Variants in FANCL observed in about 807,000 individuals in gnomAD.
FANCL encodes FA complementation group L.
In FANCL, 69 loss-of-function variants were observed where a neutral mutation model predicts 59.4. The observed-to-expected ratio is 1.16, with a 90% CI of 0.96 to 1.42. The LOEUF is 1.42. FANCL is among the 40% of genes most tolerant of loss of function. FANCL has a pLI of 0.00. For missense variants in FANCL, 519 were observed against 447.2 expected (o/e 1.16, Z -1.45); for synonymous variants, 180 against 147.1 (o/e 1.22, Z -1.62).
intron 3 of FANCL, among the ~76,000 whole-genome samples, chr2:58,228,848 G>C (rs1693294938): frequency 6.6e-6 from 1 of 152,148 alleles, no homozygotes; most frequent in Admixed American, 6.5e-5. Flanking sequence ...GAAAAACAGA[G>C]TAATAGATCT....
rs374236117 is a variant in FANCL, at chr2:58,163,083, T to TAA, written c.776-11_776-10dup. 49 of 1,281,174 alleles carry TAA rather than the reference T, an allele frequency of 3.8e-5. No individual in the cohort carries two copies. Among genetic ancestry groups the TAA allele is most frequent in the African/African-American group, 3.7e-4 (25 of 68,086 alleles). The allele number at this position is 1,281,174 out of a possible 1,614,324, so 79.4% of individuals were successfully genotyped here. A position where few individuals can be genotyped will look rare whatever the true frequency, so the allele number is the denominator to read the frequency against. ...TCCCAGGGGTTTTACCACTTCAGATTAAAAAAAAAAAATTTAATAATTGCA... is the reference window on the plus strand; with the variant it reads ...TCCCAGGGGTTTTACCACTTCAGATTAAAAAAAAAAAAAATTTAATAATTGCA... On this transcript the variant is annotated splice_polypyrimidine_tract_variant and intron_variant, in intron 9 of 13. Transcript: ENST00000233741.
intron 5 of FANCL, among the ~76,000 whole-genome samples, chr2:58,205,472 C>T (rs570642784): frequency 2.0e-5 from 3 of 152,008 alleles, no homozygotes; most frequent in South Asian, 4.1e-4. Flanking sequence ...GTCTTTATCA[C>T]GTTTTACCAT....
At chr2:58,209,406 G>C (rs546609250) in intron 5 of FANCL, among the ~76,000 whole-genome samples, 4 of 151,744 alleles carry the variant, frequency 2.6e-5, no homozygotes, top group African/African-American at 9.7e-5. Context: ...TAGATAATTT[G>C]CAGTTATTCA....
chr2:58,226,353 C>G (rs1419275792), intron 4 of FANCL, among the ~76,000 whole-genome samples: 1 of 152,122 alleles, frequency 6.6e-6, no homozygotes, highest in African/African-American at 2.4e-5. Flanking sequence ...ATAAGTTTTT[C>G]AGATATCTGT....
chr2:58,221,129 C>T (rs1026226242), intron 5 of FANCL, among the ~76,000 whole-genome samples: 5 of 151,694 alleles, frequency 3.3e-5, no homozygotes, highest in South Asian at 2.1e-4. Context: ...AGGGGAATGG[C>T]GTGAACCCGG....
chr2:58,201,573 T>C (rs990415077), intron 6 of FANCL, among the ~76,000 whole-genome samples: 1 of 151,990 alleles, frequency 6.6e-6, no homozygotes, highest in Admixed American at 6.6e-5. Flanking sequence ...GATGCATATA[T>C]GTAATTTGTT....
intron 7 of FANCL, among the ~76,000 whole-genome samples, chr2:58,176,317 G>A (rs1307720240): frequency 1.2e-4 from 18 of 151,916 alleles, no homozygotes; most frequent in African/African-American, 1.9e-4. Context: ...AGCCCGCATC[G>A]CCAAGTCAAT....
At chr2:58,218,409 G>A (rs781449262) in intron 5 of FANCL, among the ~76,000 whole-genome samples, 82 of 151,632 alleles carry the variant, frequency 5.4e-4, no homozygotes, top group Non-Finnish European at 2.9e-4. Flanking sequence ...AACTGATTAA[G>A]AAAAATTAAA....
chr2:58,168,415 G>A (rs1322834740), intron 7 of FANCL, among the ~76,000 whole-genome samples: 2 of 152,164 alleles, frequency 1.3e-5, no homozygotes, highest in Non-Finnish European at 1.5e-5. Flanking sequence ...GGTGCACTCT[G>A]GCCCAGATAT....
intron 7 of FANCL, among the ~76,000 whole-genome samples, chr2:58,188,448 G>GT (rs34502821): frequency 5.7e-4 from 86 of 149,708 alleles, no homozygotes; most frequent in South Asian, 3.6e-3. Context: ...TTGTTTTTTG[G>GT]TTTTTTTTTG....
chr2:58,219,490 T>G (rs1456944076), intron 5 of FANCL, among the ~76,000 whole-genome samples: 3 of 151,540 alleles, frequency 2.0e-5, no homozygotes, highest in Non-Finnish European at 4.4e-5. Flanking sequence ...CTACATATAG[T>G]GACTTCCAAA....
intron 5 of FANCL, among the ~76,000 whole-genome samples, chr2:58,213,113 GATT>G (rs1691344314): frequency 6.6e-6 from 1 of 152,120 alleles, no homozygotes; most frequent in Non-Finnish European, 1.5e-5. Flanking sequence ...AAATCTACAA[GATT>G]ATTATTTAGA....
In FANCL at chr2:58,230,734, A is replaced by C. The variant is rs574680429; in HGVS notation, c.156-860T>G. Among the ~76,000 whole-genome samples the C allele has an allele frequency of 2.0e-5, 3 of 152,226 alleles. No individual in the cohort carries two copies. In the East Asian group the frequency reaches 5.8e-4, roughly 29 times the overall value. On this transcript the variant is annotated intron_variant, in intron 2 of 13. Transcript: ENST00000233741. ...GGCAGAGTAGTTCATTCAAATGTCC[A>C]TTGGTAACCCCTGCTCAAAATGTGC...
intron 7 of FANCL, 131 bp from the exon 8 acceptor site, chr2:58,166,005 CA>C: frequency 2.5e-6 from 2 of 801,490 alleles, no homozygotes; most frequent in Non-Finnish European, 4.1e-6. Flanking sequence ...CTCCAGTAAA[CA>C]GTAGTCGACT....
At chr2:58,199,389 C>A (rs944269078) in intron 6 of FANCL, among the ~76,000 whole-genome samples, 1 of 151,988 alleles carries the variant, frequency 6.6e-6, no homozygotes, top group African/African-American at 2.4e-5. Context: ...TAGGCAGTAT[C>A]AGTTAAAGGA....
chr2:58,223,890 A>G (rs1013228976), intron 4 of FANCL, among the ~76,000 whole-genome samples: 16 of 151,942 alleles, frequency 1.1e-4, no homozygotes, highest in Non-Finnish European at 5.9e-5. Context: ...ATCACTCTCA[A>G]CATATTTATT....
chr2:58,210,913 A>G (rs1691077388), intron 5 of FANCL, among the ~76,000 whole-genome samples: 1 of 152,174 alleles, frequency 6.6e-6, no homozygotes, highest in African/African-American at 2.4e-5. Context: ...GTGATTTTGC[A>G]GGGTATGGCA....
At chr2:58,176,118 G>T (rs1419569811) in intron 7 of FANCL, among the ~76,000 whole-genome samples, 3 of 150,800 alleles carry the variant, frequency 2.0e-5, no homozygotes, top group African/African-American at 7.3e-5. Flanking sequence ...CACTGCTCAA[G>T]GAAATAAAAG....
At chr2:58,203,992 G>C in intron 6 of FANCL, 138 bp downstream of exon 6, 2 of 744,448 alleles carry the variant, frequency 2.7e-6, no homozygotes, top group Non-Finnish European at 4.7e-6. Flanking sequence ...ATTCTTTGAG[G>C]CTTTCCAAAA....
Sources: allele counts gnomAD v4.1 joint callset (sites outside exome capture counted in the v4.1 genomes callset), GRCh38; gene constraint gnomAD v4.1.1; transcripts MANE v1.5; gene names NCBI Gene and HGNC (gene_info 2026-07-23, HGNC 2026-07-21).